Variants in MACF1 observed in about 807,000 individuals in gnomAD.
MACF1 encodes microtubule actin crosslinking factor 1, also known as microtubule-actin cross-linking factor 1.
A neutral mutation model predicts 854.8 loss-of-function variants in MACF1; 193 were observed. That is an observed-to-expected ratio of 0.23 (90% CI 0.20 to 0.25). MACF1 has a LOEUF of 0.25. Ranked by LOEUF, MACF1 falls within the 10% of genes least tolerant of loss-of-function variation. The pLI is 1.00. For synonymous variants in MACF1, 3,185 were observed against 3,226.7 expected (o/e 0.99, Z 0.44); for missense variants, 7,722 against 8,929.1 (o/e 0.86, Z 5.45).
At chr1:39,304,566 T>TC in intron 23 of MACF1, 1 of 359,206 alleles carries the variant, frequency 2.8e-6, no homozygotes, top group East Asian at 7.8e-5. Context: ...CTTTTCTTTC[T>TC]TTTTTTTTTT....
intron 58 of MACF1, among the ~76,000 whole-genome samples, chr1:39,394,350 G>A (rs1208087423): frequency 3.9e-5 from 6 of 152,152 alleles, no homozygotes; most frequent in South Asian, 4.1e-4. Flanking sequence ...GGCTGGGGGC[G>A]GTGGCTCACG....
At chr1:39,286,770 C>T (rs1180709644) in intron 14 of MACF1, among the ~76,000 whole-genome samples, 1 of 151,988 alleles carries the variant, frequency 6.6e-6, no homozygotes, top group Non-Finnish European at 1.5e-5. Context: ...ATCTCTTGAC[C>T]CCTAATCCAT....
chr1:39,419,737 A>G (rs1643460062), intron 58 of MACF1, among the ~76,000 whole-genome samples: 1 of 150,964 alleles, frequency 6.6e-6, no homozygotes, highest in Non-Finnish European at 1.5e-5. Context: ...GGTTCAAGCA[A>G]TTCTTGTGCC....
intron 64 of MACF1, 95 bp from the exon 65 acceptor site, chr1:39,429,732 C>T: frequency 8.6e-7 from 1 of 1,161,712 alleles, no homozygotes; most frequent in Non-Finnish European, 1.3e-6. Flanking sequence ...GAGAGAGCGT[C>T]TATGAAATTA....
At chr1:39,411,091 C>T (rs772184640) in intron 58 of MACF1, 1 of 1,613,500 alleles carries the variant, frequency 6.2e-7, no homozygotes, top group South Asian at 1.1e-5. Flanking sequence ...TGAGAAGCAG[C>T]ACCCCCTTGG....
chr1:39,337,272 C>G lies in MACF1; in HGVS notation c.10156C>G (p.Gln3386Glu). 1 of 1,614,110 alleles carries G rather than the reference C, an allele frequency of 6.2e-7. No homozygotes were observed. Among genetic ancestry groups the G allele is most frequent in the South Asian group, 1.1e-5 (1 of 91,056 alleles). The change falls in exon 38 of 101, where the codon CAG becomes GAG. Residue 3386 changes from glutamine to glutamate, a missense_variant. This residue lies in a region of MACF1 where 854 missense variants were observed against 852.6 expected (regional missense o/e 1.00). Transcript: ENST00000564288. ...LLRNIEMRTKQIQPLELNLAE... is the reference protein window; with the variant it reads ...LLRNIEMRTKEIQPLELNLAE... ...ACGGAACATTGAAATGAGGACCAAACAGATTCAACCTTTGGAGCTAAACCT... is the reference window on the plus strand; with the variant it reads ...ACGGAACATTGAAATGAGGACCAAAGAGATTCAACCTTTGGAGCTAAACCT...
intron 1 of MACF1, among the ~76,000 whole-genome samples, chr1:39,208,026 G>A (rs190365753): frequency 2.6e-5 from 4 of 151,710 alleles, no homozygotes; most frequent in African/African-American, 9.7e-5. Context: ...CCAGCTACTC[G>A]GGAGGCTGAG....
chr1:39,424,643 T>C (rs1643665878), intron 61 of MACF1, among the ~76,000 whole-genome samples: 1 of 152,234 alleles, frequency 6.6e-6, no homozygotes, highest in Admixed American at 6.5e-5. Context: ...TCTGTGGTTC[T>C]GTTAAATATC....
At chr1:39,406,276 G>A (rs189459261) in intron 58 of MACF1, among the ~76,000 whole-genome samples, 56 of 152,272 alleles carry the variant, frequency 3.7e-4, no homozygotes, top group African/African-American at 1.2e-3. Context: ...CATAGTCGTA[G>A]GAATGCTCCA....
At position 39,084,260 on chromosome 1, in the gene MACF1, T is replaced by C. The variant is rs201610193; in HGVS notation, c.42T>C (p.Cys14=). Residue 14 remains cysteine (C), a synonymous_variant, in exon 2 of 94, where the codon TGT becomes TGC. Coordinates refer to the MACF1 transcript ENST00000361689. The surrounding 1 kb of genome is among the most constrained non-coding windows in gnomAD (Gnocchi z 5.2). ...AAGAGACGCTCAGTGAGCGGTCATG[T>C]CGGAGTGAGCGGTCTTGTCGGAGTG... is the stretch of plus-strand genomic sequence containing the variant. 7 of 1,612,622 alleles carry C rather than the reference T, an allele frequency of 4.3e-6. No individual in the cohort carries two copies. The highest frequency in any genetic ancestry group is 8.5e-7 in the Non-Finnish European group (1 of 1,179,112).
chr1:39,184,427 C>G (rs923420798), intron 2 of MACF1, among the ~76,000 whole-genome samples: 15 of 152,044 alleles, frequency 9.9e-5, no homozygotes, highest in African/African-American at 3.6e-4. Context: ...AAGGTCAGAT[C>G]TCAGAATTTT....
At chr1:39,322,829 T>C (rs988205084) in intron 32 of MACF1, 81 bp from the exon 33 acceptor site, 2 of 1,509,848 alleles carry the variant, frequency 1.3e-6, no homozygotes, top group Non-Finnish European at 1.8e-6. Context: ...TGTGACTGCA[T>C]GAACATTTCC....
intron 42 of MACF1, 140 bp downstream of exon 42, chr1:39,349,767 G>C: frequency 1.1e-6 from 1 of 878,724 alleles, no homozygotes; most frequent in Non-Finnish European, 1.7e-6. Context: ...CCAGGAGCTG[G>C]GACAAAGTCA....
intron 100 of MACF1, chr1:39,485,005 T>C: frequency 3.9e-6 from 2 of 508,840 alleles, no homozygotes; most frequent in South Asian, 2.4e-5. Context: ...TAAAAGGAAA[T>C]GTGGGTCTTC....
intron 21 of MACF1, 61 bp downstream of exon 21, chr1:39,297,806 C>T (rs1645954878): frequency 2.5e-6 from 4 of 1,590,288 alleles, no homozygotes; most frequent in Non-Finnish European, 3.4e-6. Flanking sequence ...ATATCAGCTG[C>T]TGCTGTTTAT....
intron 80 of MACF1, among the ~76,000 whole-genome samples, chr1:39,445,434 C>T (rs1644207090): frequency 6.6e-6 from 1 of 152,136 alleles, no homozygotes; most frequent in South Asian, 2.1e-4. Context: ...ATACACAAAC[C>T]TGTTGACCAC....
At chr1:39,293,689 G>A in intron 18 of MACF1, 70 bp downstream of exon 18, 1 of 1,486,038 alleles carries the variant, frequency 6.7e-7, no homozygotes, top group Non-Finnish European at 9.1e-7. Flanking sequence ...GGCCTAGTCT[G>A]CTGAAAGCTT....
At chr1:39,471,305 A>G (rs1264216046) in intron 97 of MACF1, among the ~76,000 whole-genome samples, 2 of 152,198 alleles carry the variant, frequency 1.3e-5, no homozygotes, top group African/African-American at 2.4e-5. Context: ...ACTTGAAACT[A>G]TATTGGAAGT....
Position 39,430,735 on chromosome 1 carries a change from G to T in MACF1, c.17164G>T (p.Val5722Leu). 1.2e-6 allele frequency: 2 copies of T among 1,612,200 alleles called. No individual in the cohort carries two copies. The highest frequency in any genetic ancestry group is 1.7e-6 in the Non-Finnish European group (2 of 1,179,980). ...LKKEVMEHRL[V>L]LDTVNEVSRA... ...GAAGGAGGTCATGGAGCACAGGCTG[G>T]TGTTGGACACAGTGAATGAGGTGAG... Residue 5722 changes from valine to leucine, a missense_variant, in exon 66 of 101, where the codon GTG becomes TTG. Coordinates refer to ENST00000564288, the MANE Select transcript of MACF1 (RefSeq NM_001394062.1).
Sources: allele counts gnomAD v4.1 joint callset (sites outside exome capture counted in the v4.1 genomes callset), GRCh38; gene constraint gnomAD v4.1.1; regional missense constraint gnomAD v4.1.1; non-coding constraint Gnocchi (gnomAD v3.1); transcripts MANE v1.5; gene names NCBI Gene and HGNC (gene_info 2026-07-23, HGNC 2026-07-21).